IQSEC3: variants seen among roughly 807,000 people sequenced by gnomAD.
The protein encoded by IQSEC3 is IQ motif and SEC7 domain-containing protein 3.
In IQSEC3, 50 loss-of-function variants were observed where a neutral mutation model predicts 105.4. That is an observed-to-expected ratio of 0.47 (90% CI 0.38 to 0.60). The LOEUF is 0.60. IQSEC3 is among the 20% of genes least tolerant of loss of function. The pLI is 0.00. For synonymous variants in IQSEC3, 708 were observed against 746.0 expected, an observed-to-expected ratio of 0.95 and a Z score of 0.83; for missense variants, 1,415 against 1,630.0, an observed-to-expected ratio of 0.87 and a Z score of 2.27.
intron 1 of IQSEC3, among the ~76,000 whole-genome samples, chr12:75,742 T>A (rs1386437102): frequency 6.6e-6 from 1 of 152,256 alleles, no homozygotes; most frequent in African/African-American, 2.4e-5. Context: ...TCTCCGTCTG[T>A]AGGGCCCAGG....
chr12:161,933 C>T lies in IQSEC3; in HGVS notation c.2451C>T (p.Asp817=), dbSNP rs141897852. The stretch of plus-strand genomic sequence containing the variant: ...CCCACTCCACGTTGTTAGGTGTGGA[C>T]GATGGCGCTGACATCCCCAGGGAGC... ...EDFIRNLRGV[D]DGADIPRELV... Residue 817 remains aspartate (D), a synonymous_variant, in exon 8 of 14, where the codon GAC becomes GAT. Coordinates refer to ENST00000538872, the MANE Select transcript of IQSEC3 (RefSeq NM_001170738.2). 231 of 1,594,480 alleles carry T rather than the reference C, an allele frequency of 1.4e-4. 1 individual carries two copies. Among genetic ancestry groups the T allele is most frequent in the Non-Finnish European group, 1.8e-4 (212 of 1,169,480 alleles).
chr12:164,277 C>T (rs1555097485), intron 9 of IQSEC3, among the ~76,000 whole-genome samples: 1 of 152,262 alleles, frequency 6.6e-6, no homozygotes, highest in African/African-American at 2.4e-5. Context: ...CTCTCACCAC[C>T]TCCACTACTA....
chr12:93,711 C>T (rs11835982), intron 1 of IQSEC3, among the ~76,000 whole-genome samples: 85,186 of 152,044 alleles, frequency 0.56, 24,878 homozygotes, highest in African/African-American at 0.67. Flanking sequence ...CCAAACCTCA[C>T]GTGGAAATTC....
intron 1 of IQSEC3, among the ~76,000 whole-genome samples, chr12:69,177 T>C (rs1249921687): frequency 6.6e-6 from 1 of 152,264 alleles, no homozygotes; most frequent in Non-Finnish European, 1.5e-5. Flanking sequence ...TCATGACTTT[T>C]GGTGTCTCCT....
rs782574468 is a variant in IQSEC3 at position 139,004 on chromosome 12, C to T, written c.1641C>T (p.Asp547=). 2.2e-5 allele frequency: 34 copies of T among 1,523,408 alleles called. No individual in the cohort carries two copies. Among genetic ancestry groups the T allele is most frequent in the Non-Finnish European group, 2.7e-5 (31 of 1,135,566 alleles). The allele number at this position is 1,523,408 out of a possible 1,614,324, so 94.4% of individuals were successfully genotyped here. A position where few individuals can be genotyped will look rare whatever the true frequency, so the allele number is the denominator to read the frequency against. Residue 547 remains aspartate (D), a synonymous_variant, in exon 4 of 14, where the codon GAC becomes GAT. Transcript: ENST00000538872. Reference sequence around the variant, plus strand: ...AAGCCCCCGCCGTGGGCCGGGAGGACGCGTCAGCCGAGGACTCATGCGCAG... The same window carrying T: ...AAGCCCCCGCCGTGGGCCGGGAGGATGCGTCAGCCGAGGACTCATGCGCAG... ...APEAPAVGRE[D]ASAEDSCAEA...
At chr12:82,457 C>T (rs868949531) in intron 1 of IQSEC3, among the ~76,000 whole-genome samples, 2 of 152,116 alleles carry the variant, frequency 1.3e-5, no homozygotes, top group Non-Finnish European at 2.9e-5. Flanking sequence ...AGGGACGAAG[C>T]GGGTTCAAGA....
chr12:112,981 C>T (rs1443373296), intron 2 of IQSEC3, among the ~76,000 whole-genome samples: 1 of 151,474 alleles, frequency 6.6e-6, no homozygotes, highest in Non-Finnish European at 1.5e-5. Flanking sequence ...AGAATTTCAC[C>T]CCACTCATAG....
intron 5 of IQSEC3, chr12:143,826 CGTGT>C (rs111698246): frequency 0.081 from 11,983 of 147,322 alleles, 512 homozygotes; most frequent in Non-Finnish European, 0.098. Flanking sequence ...GCTGGGCACC[CGTGT>C]GTGTGTGTGT....
At chr12:132,656 G>A (rs527989729) in intron 3 of IQSEC3, among the ~76,000 whole-genome samples, 119 of 152,250 alleles carry the variant, frequency 7.8e-4, no homozygotes, top group African/African-American at 2.7e-3. Flanking sequence ...CAGGGCAAAC[G>A]AAAACCCCAG....
intron 2 of IQSEC3, among the ~76,000 whole-genome samples, chr12:106,077 A>G (rs1162388464): frequency 6.6e-6 from 1 of 152,238 alleles, no homozygotes; most frequent in Non-Finnish European, 1.5e-5. Flanking sequence ...ACTAGCCACC[A>G]TGTCCTGAGT....
chr12:103,119 T>A (rs1251929112), intron 2 of IQSEC3, among the ~76,000 whole-genome samples: 2 of 152,008 alleles, frequency 1.3e-5, no homozygotes, highest in Non-Finnish European at 2.9e-5. Context: ...ATGACAGGGC[T>A]TTATTCTGGG....
At chr12:174,415 T>C (rs555154821) in intron 13 of IQSEC3, among the ~76,000 whole-genome samples, 184 bp from the exon 14 acceptor site, 1 of 152,062 alleles carries the variant, frequency 6.6e-6, no homozygotes, top group East Asian at 1.9e-4. Flanking sequence ...TCTCGACTCC[T>C]CTCTCCCCCC....
Position 163,629 on chromosome 12 carries a change from C to A in IQSEC3, c.2709+10C>A. The A allele has an allele frequency of 1.4e-6, 2 of 1,414,278 alleles. No homozygotes were observed. Among genetic ancestry groups the A allele is most frequent in the Non-Finnish European group, 2.0e-6 (2 of 999,150 alleles). 87.6% of individuals were successfully genotyped at this position (1,414,278 alleles called of 1,614,324 possible). ...CAATGACCTGCTGGTGGTGAGTGGC[C>A]TCCGCTCCGGGACTGGGCTGGGCTG... is the stretch of plus-strand genomic sequence containing the variant. On this transcript the variant is annotated intron_variant, in intron 9 of 13. Transcript: ENST00000538872.
intron 1 of IQSEC3, among the ~76,000 whole-genome samples, chr12:71,089 T>C (rs1467361804): frequency 5.2e-5 from 8 of 152,400 alleles, no homozygotes; most frequent in Admixed American, 3.9e-4. Flanking sequence ...AAATCAATCT[T>C]GAGTATCTTT....
chr12:117,679 C>T (rs1199323181), intron 2 of IQSEC3, among the ~76,000 whole-genome samples: 1 of 152,180 alleles, frequency 6.6e-6, no homozygotes, highest in Non-Finnish European at 1.5e-5. Flanking sequence ...CAAGCCAGCC[C>T]CCACCCACAC....
At position 70,470 on chromosome 12, in the gene IQSEC3, C is replaced by G. The variant is rs1302489409; in HGVS notation, c.554+3034C>G. Among the ~76,000 whole-genome samples the G allele has an allele frequency of 2.6e-5, 4 of 152,244 alleles. No individual in the cohort carries two copies. In the East Asian group the frequency reaches 7.7e-4, roughly 29 times the overall value. The stretch of plus-strand genomic sequence containing the variant: ...TTGAAGGGTTAAAATTATTTCTCTG[C>G]ATGCTTCTTGATTCTTGCTAAGCTC... On this transcript the variant is annotated intron_variant, in intron 1 of 13. Coordinates refer to ENST00000538872, the MANE Select transcript of IQSEC3 (RefSeq NM_001170738.2).
In IQSEC3 at chr12:138,611, GC is replaced by G; in HGVS notation, c.1249del (p.Leu417SerfsTer66). On this transcript the variant is annotated frameshift_variant, in exon 4 of 14. Transcript: ENST00000538872. LOFTEE classifies it high-confidence loss of function. The surrounding 1 kb of genome is among the most constrained non-coding windows in gnomAD (Gnocchi z 7.1). ...CCCTGGCCAAGTCCATCGACGACGC[GC>G]TCAGCACGTGGAGCCTCAAGACCAT... The part of the protein sequence containing the change: ...QSLAKSIDDA[L>X]STWSLKTMCS... 2 of 1,588,540 alleles carry G rather than the reference GC, an allele frequency of 1.3e-6. No homozygotes were observed. Among genetic ancestry groups the G allele is most frequent in the Non-Finnish European group, 1.7e-6 (2 of 1,175,042 alleles).
chr12:128,385 G>A lies in IQSEC3; in HGVS notation c.903+2473G>A, dbSNP rs1191528784. 5.3e-5 allele frequency among the ~76,000 whole-genome samples: 8 copies of A among 152,262 alleles called. No homozygotes were observed. The East Asian group carries it at 1.4e-3, about 26-fold the overall frequency. On this transcript the variant is annotated intron_variant, in intron 3 of 13. Transcript: ENST00000538872. The stretch of plus-strand genomic sequence containing the variant: ...GAAATGATCACTTAGTGACATAAAG[G>A]GGGATGGGATGGGTATACAGCATGG...
intron 3 of IQSEC3, among the ~76,000 whole-genome samples, chr12:133,304 G>A (rs1555085578): frequency 6.6e-6 from 1 of 152,230 alleles, no homozygotes; most frequent in East Asian, 1.9e-4. Context: ...TGTGGAGACT[G>A]GCAGTGGCAC....
Sources: allele counts gnomAD v4.1 joint callset (sites outside exome capture counted in the v4.1 genomes callset), GRCh38; gene constraint gnomAD v4.1.1; non-coding constraint Gnocchi (gnomAD v3.1); transcripts MANE v1.5; gene names NCBI Gene and HGNC (gene_info 2026-07-23, HGNC 2026-07-21).